The following CTNNA3 variants were observed in gnomAD, a reference collection of about 807,000 sequenced individuals.
CTNNA3 encodes the protein catenin alpha-3.
CTNNA3 carries 76 observed loss-of-function variants against 95.7 expected under a neutral mutation model. The observed-to-expected ratio is 0.79, with a 90% CI of 0.66 to 0.96. The LOEUF (loss-of-function observed/expected upper bound fraction) is 0.96. Among genes scored for constraint, CTNNA3 ranks in the 40% least tolerant of loss-of-function variants. The pLI is 0.00. For missense variants in CTNNA3, 1,191 were observed against 1,089.8 expected (o/e 1.09, Z -1.31); for synonymous variants, 431 against 374.4 (o/e 1.15, Z -1.74).
chr10:67,256,679 CTG>C, intron 5 of CTNNA3, among the ~76,000 whole-genome samples: 1 of 152,182 alleles, frequency 6.6e-6, no homozygotes, highest in East Asian at 1.9e-4. Flanking sequence ...TGAAAAGTCT[CTG>C]AGTGATGTTA....
At chr10:66,898,311 G>T (rs2132515674) in intron 7 of CTNNA3, among the ~76,000 whole-genome samples, 1 of 152,052 alleles carries the variant, frequency 6.6e-6, no homozygotes, top group East Asian at 2.0e-4. Context: ...GTTGTTCTTT[G>T]TAGAATCAGG....
chr10:67,738,199 G>A (rs937844388), intron 1 of CTNNA3, among the ~76,000 whole-genome samples: 5 of 152,164 alleles, frequency 3.3e-5, no homozygotes, highest in African/African-American at 1.2e-4. Context: ...CATACAGGCG[G>A]GTGTCCCTCT....
chr10:66,133,364 A>T (rs2083207867), intron 13 of CTNNA3, among the ~76,000 whole-genome samples: 1 of 151,954 alleles, frequency 6.6e-6, no homozygotes, highest in Non-Finnish European at 1.5e-5. Context: ...AAAATACAAA[A>T]ATTAGCCAGG....
intron 1 of CTNNA3, among the ~76,000 whole-genome samples, chr10:67,652,418 C>CT: frequency 6.6e-6 from 1 of 152,322 alleles, no homozygotes; most frequent in Admixed American, 6.5e-5. Context: ...GGATATACTC[C>CT]TTTTGGATGT....
intron 13 of CTNNA3, among the ~76,000 whole-genome samples, chr10:66,136,048 C>CCCA: frequency 6.6e-6 from 1 of 151,938 alleles, no homozygotes; most frequent in South Asian, 2.1e-4. Context: ...ACTACAGGCG[C>CCCA]CCACCACCAC....
intron 11 of CTNNA3, among the ~76,000 whole-genome samples, chr10:66,464,337 C>T (rs1838812500): frequency 6.6e-6 from 1 of 152,126 alleles, no homozygotes; most frequent in Non-Finnish European, 1.5e-5. Context: ...TCAACTCAAT[C>T]TTTTCCACAA....
intron 5 of CTNNA3, among the ~76,000 whole-genome samples, chr10:67,301,666 C>A (rs1490712895): frequency 6.6e-6 from 1 of 152,012 alleles, no homozygotes; most frequent in Non-Finnish European, 1.5e-5. Context: ...GCAATTTTGC[C>A]TTTAAACATA....
intron 4 of CTNNA3, among the ~76,000 whole-genome samples, chr10:67,528,630 C>T (rs1340161805): frequency 6.6e-6 from 1 of 152,194 alleles, no homozygotes; most frequent in Non-Finnish European, 1.5e-5. Flanking sequence ...ACCTCCATAA[C>T]ACTTTGTACC....
intron 13 of CTNNA3, among the ~76,000 whole-genome samples, chr10:66,123,385 G>T (rs749263278): frequency 6.6e-6 from 1 of 152,126 alleles, no homozygotes; most frequent in Non-Finnish European, 1.5e-5. Flanking sequence ...CCATGGTCTT[G>T]GGCAGCTCCG....
At chr10:67,699,023 C>T (rs117212109), upstream of CTNNA3, among the ~76,000 whole-genome samples, 95 of 152,192 alleles carry the variant, frequency 6.2e-4, no homozygotes, top group East Asian at 0.018. Flanking sequence ...ACCCTCCCTC[C>T]TATTAAAATG....
intron 7 of CTNNA3, among the ~76,000 whole-genome samples, chr10:67,131,960 G>A (rs1235627903): frequency 2.6e-5 from 4 of 152,062 alleles, no homozygotes; most frequent in Admixed American, 2.0e-4. Context: ...TTCCATTACA[G>A]AAAGAATGGA....
chr10:66,402,839 AC>A (rs1352508462), intron 11 of CTNNA3, among the ~76,000 whole-genome samples: 4 of 152,052 alleles, frequency 2.6e-5, no homozygotes, highest in South Asian at 2.1e-4. Flanking sequence ...CCCACAGGGA[AC>A]CCCCCACCTA....
chr10:66,636,474 A>G (rs148530401), intron 9 of CTNNA3, among the ~76,000 whole-genome samples: 2 of 152,172 alleles, frequency 1.3e-5, no homozygotes, highest in Admixed American at 1.3e-4. Context: ...AGGGAGGAGT[A>G]AGAAGGGATC....
intron 13 of CTNNA3, among the ~76,000 whole-genome samples, chr10:66,241,789 C>T (rs2090121431): frequency 6.6e-6 from 1 of 151,898 alleles, no homozygotes; most frequent in Non-Finnish European, 1.5e-5. Context: ...AGCAAAAAAC[C>T]TATGTAAAAT....
At chr10:66,211,994 T>G (rs1237900133) in intron 13 of CTNNA3, among the ~76,000 whole-genome samples, 3 of 144,014 alleles carry the variant, frequency 2.1e-5, no homozygotes, top group Admixed American at 6.9e-5. Flanking sequence ...TTTTTTTTTT[T>G]TTTTTTTTTT....
At chr10:66,344,489 A>G (rs1378957963) in intron 12 of CTNNA3, among the ~76,000 whole-genome samples, 1 of 151,458 alleles carries the variant, frequency 6.6e-6, no homozygotes, top group Non-Finnish European at 1.5e-5. Flanking sequence ...CTGGTCTCGA[A>G]CTCCTGACCT....
chr10:67,068,837 A>G (rs1856256567), intron 7 of CTNNA3, among the ~76,000 whole-genome samples: 3 of 152,196 alleles, frequency 2.0e-5, no homozygotes, highest in Non-Finnish European at 4.4e-5. Flanking sequence ...AGGCAGGAAG[A>G]TCACCTGAGG....
intron 11 of CTNNA3, among the ~76,000 whole-genome samples, chr10:66,416,446 G>A (rs114111803): frequency 0.011 from 1,598 of 152,020 alleles, 27 homozygotes; most frequent in African/African-American, 0.037. Flanking sequence ...TCCAGATACA[G>A]AGTCCCAGCA....
intron 5 of CTNNA3, among the ~76,000 whole-genome samples, chr10:67,322,952 T>C (rs1468633321): frequency 6.6e-6 from 1 of 152,244 alleles, no homozygotes; most frequent in Non-Finnish European, 1.5e-5. Flanking sequence ...GGTTTTGATT[T>C]GCATTTCTTT....
Sources: allele counts gnomAD v4.1 joint callset (sites outside exome capture counted in the v4.1 genomes callset), GRCh38; gene constraint gnomAD v4.1.1; transcripts MANE v1.5; gene names NCBI Gene and HGNC (gene_info 2026-07-23, HGNC 2026-07-21).